The following SAP18 variants were observed in gnomAD, a reference collection of about 807,000 sequenced individuals.
SAP18 encodes the protein histone deacetylase complex subunit SAP18.
A neutral mutation model predicts 18.6 loss-of-function variants in SAP18; 4 were observed. That is an observed-to-expected ratio of 0.21 (90% CI 0.11 to 0.49). SAP18 has a LOEUF of 0.49. Ranked by LOEUF, SAP18 falls within the 20% of genes least tolerant of loss-of-function variation. The probability of loss-of-function intolerance (pLI) is 0.98; values close to 1 mark genes in which losing one functional copy is unlikely to be tolerated. For synonymous variants in SAP18, 112 were observed against 82.8 expected, an observed-to-expected ratio of 1.35 and a Z score of -1.92; for missense variants, 170 against 226.4, an observed-to-expected ratio of 0.75 and a Z score of 1.60.
At chr13:21,142,764 AGACG>A (rs1329743956) in intron 2 of SAP18, among the ~76,000 whole-genome samples, 1 of 152,128 alleles carries the variant, frequency 6.6e-6, no homozygotes, top group Non-Finnish European at 1.5e-5. Context: ...ATTTTTAAAG[AGACG>A]GAGTCTTGCT....
At chr13:21,142,745 CTTT>C (rs1331331423) in intron 2 of SAP18, among the ~76,000 whole-genome samples, 1 of 152,106 alleles carries the variant, frequency 6.6e-6, no homozygotes, top group Non-Finnish European at 1.5e-5. Flanking sequence ...CCCATCCTGC[CTTT>C]TTTTAATTTT....
At chr13:21,148,072 A>G (rs1869712219) in exon 4 of SAP18, 1 of 152,266 alleles carries the variant, frequency 6.6e-6, no homozygotes, top group South Asian at 2.1e-4. Flanking sequence ...AGCCAAGGAC[A>G]AGGTCAGGTT....
At chr13:21,143,794 C>T (rs978092862) in intron 2 of SAP18, among the ~76,000 whole-genome samples, 1 of 152,132 alleles carries the variant, frequency 6.6e-6, no homozygotes, top group Non-Finnish European at 1.5e-5. Context: ...CCATAAATTG[C>T]AACCAAACAA....
intron 2 of SAP18, among the ~76,000 whole-genome samples, chr13:21,144,561 T>C (rs1037088053): frequency 1.3e-5 from 2 of 152,010 alleles, no homozygotes; most frequent in Non-Finnish European, 2.9e-5. Flanking sequence ...GAATCAGGCC[T>C]CCCCAGATTA....
intron 2 of SAP18, among the ~76,000 whole-genome samples, chr13:21,145,157 C>G (rs902794668): frequency 2.0e-5 from 3 of 150,696 alleles, no homozygotes; most frequent in African/African-American, 7.3e-5. Flanking sequence ...ACCTCTGCCT[C>G]CCAGGTATAA....
intron 2 of SAP18, among the ~76,000 whole-genome samples, chr13:21,145,334 C>T (rs1470379235): frequency 2.0e-5 from 3 of 151,890 alleles, no homozygotes; most frequent in African/African-American, 7.3e-5. Context: ...GGTCACAACC[C>T]CAAGATATCT....
At chr13:21,140,731 C>T in intron 1 of SAP18, 50 bp downstream of exon 1, 1 of 1,598,854 alleles carries the variant, frequency 6.3e-7, no homozygotes, top group Non-Finnish European at 8.5e-7. Context: ...GGGATGAGTC[C>T]CGCAGGGTGC....
In SAP18 at chr13:21,147,183, C is replaced by A; in HGVS notation, c.363-3C>A. On this transcript the variant is annotated splice_region_variant and splice_polypyrimidine_tract_variant and intron_variant, in intron 3 of 3. Transcript: ENST00000621421. Reference sequence around the variant, plus strand: ...CATTAACAGTTGATTTTCTTTCTTACAGAGTTAAGGAGATTGGCAGCACCA... The same window carrying A: ...CATTAACAGTTGATTTTCTTTCTTAAAGAGTTAAGGAGATTGGCAGCACCA... The A allele has an allele frequency of 6.2e-7, 1 of 1,605,796 alleles. No individual in the cohort carries two copies. Among genetic ancestry groups the A allele is most frequent in the Non-Finnish European group, 8.5e-7 (1 of 1,176,932 alleles).
rs1321440518 is a variant in SAP18 at position 21,140,897 on chromosome 13, GT to G, written c.143del (p.Leu48CysfsTer38). On this transcript the variant is annotated frameshift_variant, in exon 2 of 4. Coordinates refer to ENST00000621421, the Ensembl canonical transcript of SAP18. LOFTEE classifies it high-confidence loss of function. Reference sequence around the variant, plus strand: ...TCTCTCTCCCTCAGACATGCCCACTGTTGCTACGGGTCTTCACCACCAATAA... The same window carrying G: ...TCTCTCTCCCTCAGACATGCCCACTGTGCTACGGGTCTTCACCACCAATAA... 6.2e-7 allele frequency: 1 copy of G among 1,613,804 alleles called. No homozygotes were observed. Among genetic ancestry groups the G allele is most frequent in the Non-Finnish European group, 8.5e-7 (1 of 1,179,822 alleles).
rs192066903 is a variant in SAP18, at chr13:21,147,749, G to A, written c.*407G>A. On this transcript the variant is annotated 3_prime_UTR_variant, in exon 4 of 4. Transcript: ENST00000621421. ...GAGTTTGTGGTGTAGACTGCTGTATGCAGTTGGAAAGGACACGTGAGAGTG... is the reference window on the plus strand; with the variant it reads ...GAGTTTGTGGTGTAGACTGCTGTATACAGTTGGAAAGGACACGTGAGAGTG... 8.9e-3 allele frequency: 1,411 copies of A among 157,818 alleles called. 8 individuals carry two copies. Among genetic ancestry groups the A allele is most frequent in the Non-Finnish European group, 0.014 (1,013 of 71,982 alleles). 9.8% of individuals were successfully genotyped at this position (157,818 alleles called of 1,614,324 possible).
At chr13:21,145,325 G>A in intron 2 of SAP18, among the ~76,000 whole-genome samples, 1 of 151,998 alleles carries the variant, frequency 6.6e-6, no homozygotes, top group East Asian at 1.9e-4. Flanking sequence ...TTAAACTTGG[G>A]TCACAACCCC....
intron 1 of SAP18, 78 bp downstream of exon 1, chr13:21,140,759 G>A: frequency 6.3e-7 from 1 of 1,593,328 alleles, no homozygotes; most frequent in Non-Finnish European, 8.6e-7. Flanking sequence ...CGGCCTGTGT[G>A]CTGGAGGAGA....
intron 2 of SAP18, among the ~76,000 whole-genome samples, chr13:21,145,563 G>A (rs1160528084): frequency 6.6e-6 from 1 of 152,158 alleles, no homozygotes; most frequent in Non-Finnish European, 1.5e-5. Flanking sequence ...CTGGAGCACA[G>A]TGGCACAGTC....
exon 2 of SAP18, chr13:21,140,972 C>T (rs1425279740): frequency 1.3e-6 from 2 of 1,561,448 alleles, no homozygotes; most frequent in South Asian, 1.2e-5. Flanking sequence ...ATGTACCGTC[C>T]AGCGAGTTGC....
chr13:21,148,250 A>T (rs1869721653), exon 4 of SAP18: 1 of 152,224 alleles, frequency 6.6e-6, no homozygotes, highest in South Asian at 2.1e-4. Flanking sequence ...TTATTTTGTA[A>T]AACGGAGATA....
exon 4 of SAP18, chr13:21,147,834 T>TGGAC (rs1869702319): frequency 6.5e-6 from 1 of 153,516 alleles, no homozygotes; most frequent in Non-Finnish European, 1.4e-5. Flanking sequence ...GAAGCTGTGT[T>TGGAC]GGACGAGATT....
chr13:21,141,095 C>T, intron 2 of SAP18, 100 bp downstream of exon 2: 1 of 791,852 alleles, frequency 1.3e-6, no homozygotes, highest in Non-Finnish European at 2.1e-6. Flanking sequence ...ATTTCAATTT[C>T]ATTTCTCCAC....
At chr13:21,140,486 G>C, upstream of SAP18, 1 of 1,494,476 alleles carries the variant, frequency 6.7e-7, no homozygotes, top group African/African-American at 1.4e-5. Flanking sequence ...TGCGCCAGGA[G>C]ACGCCCCGCC....
At chr13:21,144,134 TGG>T (rs1170001424) in intron 2 of SAP18, among the ~76,000 whole-genome samples, 37 of 151,782 alleles carry the variant, frequency 2.4e-4, no homozygotes, top group African/African-American at 8.0e-4. Flanking sequence ...CTGCTGGGCG[TGG>T]TGGCTCACGC....
Sources: gnomAD v4.1 joint callset for allele counts (sites outside exome capture counted in the v4.1 genomes callset) on GRCh38, gnomAD v4.1.1 for gene constraint, MANE v1.5 for transcripts, NCBI Gene and HGNC (gene_info 2026-07-23, HGNC 2026-07-21) for gene names.